The following CCBE1 variants were observed in gnomAD, a reference collection of about 807,000 sequenced individuals.
CCBE1 encodes collagen and calcium binding EGF domains 1.
CCBE1 carries 37 observed loss-of-function variants against 50.0 expected under a neutral mutation model. The ratio of observed to expected loss-of-function variants is 0.74; its 90% CI spans 0.57 to 0.97. The LOEUF (loss-of-function observed/expected upper bound fraction) is 0.97. CCBE1 is among the 50% of genes least tolerant of loss of function. The pLI is 0.00. For synonymous variants in CCBE1, 234 were observed against 203.7 expected, an observed-to-expected ratio of 1.15 and a Z score of -1.27; for missense variants, 538 against 523.8, an observed-to-expected ratio of 1.03 and a Z score of -0.26.
At chr18:59,440,721 G>T (rs1002671060) in intron 7 of CCBE1, among the ~76,000 whole-genome samples, 1 of 152,258 alleles carries the variant, frequency 6.6e-6, no homozygotes, top group East Asian at 1.9e-4. Context: ...AAGGCATGCT[G>T]GGGGATGAGT....
intron 2 of CCBE1, among the ~76,000 whole-genome samples, chr18:59,640,967 T>C (rs1473306386): frequency 1.3e-5 from 2 of 152,062 alleles, no homozygotes; most frequent in Admixed American, 6.6e-5. Context: ...ATGGCTATCA[T>C]TAAAAAATAA....
intron 2 of CCBE1, among the ~76,000 whole-genome samples, chr18:59,593,122 A>T (rs571953727): frequency 2.0e-5 from 3 of 152,262 alleles, no homozygotes; most frequent in African/African-American, 7.2e-5. Context: ...GAAAAGTTAT[A>T]TTTATTGTCC....
At chr18:59,528,016 G>A (rs1222322941) in intron 2 of CCBE1, among the ~76,000 whole-genome samples, 3 of 152,158 alleles carry the variant, frequency 2.0e-5, no homozygotes, top group Admixed American at 2.0e-4. Flanking sequence ...GAATTAGAAT[G>A]TTGGCCTATC....
rs754755157 is a variant in CCBE1 at position 59,672,972 on chromosome 18, C to A, written c.212+23657G>T. ...CCGCTAAAGAACTTACTCATGTAAC[C>A]AAGTACCACCTGTTCCCCAAAAACC... On this transcript the variant is annotated intron_variant, in intron 2 of 10. Coordinates refer to ENST00000439986, the MANE Select transcript of CCBE1 (RefSeq NM_133459.4). Among the ~76,000 whole-genome samples, 5 of 152,018 alleles carry A rather than the reference C, an allele frequency of 3.3e-5. No homozygotes were observed. In the South Asian group the frequency reaches 6.2e-4, roughly 19 times the overall value.
At chr18:59,613,469 A>G (rs1186385827) in intron 2 of CCBE1, among the ~76,000 whole-genome samples, 2 of 152,236 alleles carry the variant, frequency 1.3e-5, no homozygotes, top group African/African-American at 2.4e-5. Flanking sequence ...ATCTGATTCT[A>G]TGTAAGCAAA....
intron 2 of CCBE1, among the ~76,000 whole-genome samples, chr18:59,549,749 C>G (rs954263722): frequency 6.6e-6 from 1 of 152,212 alleles, no homozygotes; most frequent in Non-Finnish European, 1.5e-5. Context: ...TTGTGGACAA[C>G]AAAGCACTTA....
chr18:59,696,384 G>T, intron 2 of CCBE1: 1 of 986,838 alleles, frequency 1.0e-6, no homozygotes, highest in Non-Finnish European at 1.4e-6. Flanking sequence ...GTATTTCAGG[G>T]AGCGGCAACC....
At chr18:59,448,484 G>C (rs1263432645) in intron 6 of CCBE1, among the ~76,000 whole-genome samples, 1 of 152,048 alleles carries the variant, frequency 6.6e-6, no homozygotes, top group Non-Finnish European at 1.5e-5. Context: ...GCTTGGTTCT[G>C]TGGCTACAGT....
intron 2 of CCBE1, among the ~76,000 whole-genome samples, chr18:59,488,970 G>T (rs1407917178): frequency 6.6e-6 from 1 of 152,160 alleles, no homozygotes; most frequent in Non-Finnish European, 1.5e-5. Context: ...CCACAGGCCT[G>T]GCTTGAAGTG....
intron 2 of CCBE1, among the ~76,000 whole-genome samples, chr18:59,679,525 C>G (rs529201007): frequency 2.2e-4 from 33 of 152,138 alleles, no homozygotes; most frequent in South Asian, 6.2e-4. Flanking sequence ...ACAAACATAG[C>G]AGAATTTTCG....
At chr18:59,553,397 A>G (rs181517075) in intron 2 of CCBE1, among the ~76,000 whole-genome samples, 3 of 152,338 alleles carry the variant, frequency 2.0e-5, no homozygotes, top group Non-Finnish European at 4.4e-5. Context: ...GCACAACCAA[A>G]GATTGCTACA....
intron 2 of CCBE1, among the ~76,000 whole-genome samples, chr18:59,524,368 TTATA>T (rs1914731392): frequency 6.6e-6 from 1 of 152,126 alleles, no homozygotes; most frequent in African/African-American, 2.4e-5. Context: ...AAAAGACTAT[TTATA>T]TTTATTTTGC....
chr18:59,552,414 G>T (rs1030915547), intron 2 of CCBE1, among the ~76,000 whole-genome samples: 5 of 152,152 alleles, frequency 3.3e-5, no homozygotes, highest in Admixed American at 6.5e-5. Context: ...CACACAAAAA[G>T]AACTTCTCTT....
chr18:59,452,144 G>GGT (rs1910967411), intron 6 of CCBE1, among the ~76,000 whole-genome samples: 1 of 152,192 alleles, frequency 6.6e-6, no homozygotes, highest in African/African-American at 2.4e-5. Flanking sequence ...GGATGTTTGT[G>GGT]GTGTGGTTCA....
At chr18:59,556,569 G>C (rs368309096) in intron 2 of CCBE1, among the ~76,000 whole-genome samples, 3 of 152,118 alleles carry the variant, frequency 2.0e-5, no homozygotes, top group South Asian at 2.1e-4. Context: ...CCCCGCAGCA[G>C]GGCACAAGTA....
chr18:59,670,873 G>A lies in CCBE1; in HGVS notation c.212+25756C>T, dbSNP rs573620986. On this transcript the variant is annotated intron_variant, in intron 2 of 10. Coordinates refer to ENST00000439986, the MANE Select transcript of CCBE1 (RefSeq NM_133459.4). ...TGAGCCAGGAGAATCACTTGAGCCC[G>A]GGAGGCAGAGGTTTCAGTGAGCCTA... is the stretch of plus-strand genomic sequence containing the variant. Among the ~76,000 whole-genome samples, 20 of 152,152 alleles carry A rather than the reference G, an allele frequency of 1.3e-4. No individual in the cohort carries two copies. In the South Asian group the frequency reaches 2.5e-3, roughly 19 times the overall value.
intron 2 of CCBE1, among the ~76,000 whole-genome samples, chr18:59,553,328 G>T (rs1915995880): frequency 6.6e-6 from 1 of 152,176 alleles, no homozygotes; most frequent in African/African-American, 2.4e-5. Context: ...CAAAAGCACA[G>T]GGGACATTCT....
intron 2 of CCBE1, among the ~76,000 whole-genome samples, chr18:59,498,297 T>C (rs1913452803): frequency 6.6e-6 from 1 of 152,238 alleles, no homozygotes; most frequent in Non-Finnish European, 1.5e-5. Flanking sequence ...TAAAATTTGA[T>C]ACAATTTTGA....
intron 7 of CCBE1, among the ~76,000 whole-genome samples, chr18:59,445,415 T>C (rs906577650): frequency 6.6e-6 from 1 of 152,214 alleles, no homozygotes; most frequent in Admixed American, 6.5e-5. Flanking sequence ...ACTGAGAAGA[T>C]TGTTATACTA....
Sources: allele counts gnomAD v4.1 joint callset (sites outside exome capture counted in the v4.1 genomes callset), GRCh38; gene constraint gnomAD v4.1.1; transcripts MANE v1.5; gene names NCBI Gene and HGNC (gene_info 2026-07-23, HGNC 2026-07-21).